The following MALRD1 variants were observed in gnomAD, a reference collection of about 807,000 sequenced individuals.
The protein encoded by MALRD1 is MAM and LDL-receptor class A domain-containing protein 1.
MALRD1 carries 247 observed loss-of-function variants against 242.1 expected under a neutral mutation model. The ratio of observed to expected loss-of-function variants is 1.02; its 90% CI spans 0.92 to 1.13. The LOEUF (loss-of-function observed/expected upper bound fraction) is 1.13, where lower values mean the gene tolerates loss of function less well. MALRD1 is among the 50% of genes most tolerant of loss of function. The pLI, the probability that MALRD1 is intolerant of heterozygous loss-of-function variation, is 0.00. For missense variants in MALRD1, 2,989 were observed against 2,533.1 expected (o/e 1.18, Z -3.86); for synonymous variants, 995 against 866.6 (o/e 1.15, Z -2.60).
At chr10:19,108,387 C>CTTT (rs35948766) in intron 5 of MALRD1, among the ~76,000 whole-genome samples, 237 of 19,770 alleles carry the variant, frequency 0.012, 116 homozygotes, top group East Asian at 0.017. Flanking sequence ...ATTGTTTTTT[C>CTTT]TTTTTTTTTT....
chr10:19,642,380 G>A (rs754698765), intron 36 of MALRD1, among the ~76,000 whole-genome samples: 6 of 151,914 alleles, frequency 3.9e-5, no homozygotes, highest in Non-Finnish European at 8.8e-5. Context: ...AAATACTTAC[G>A]AAGAGCTAAC....
intron 10 of MALRD1, 146 bp from the exon 11 acceptor site, chr10:19,146,052 A>G (rs981467378): frequency 1.3e-5 from 7 of 531,646 alleles, no homozygotes; most frequent in African/African-American, 7.9e-5. Context: ...GACTAGATAA[A>G]GGAAAGCTAT....
chr10:19,427,604 C>A (rs1833950958), intron 28 of MALRD1, among the ~76,000 whole-genome samples: 1 of 152,096 alleles, frequency 6.6e-6, no homozygotes, highest in Non-Finnish European at 1.5e-5. Flanking sequence ...TCTTAAATTT[C>A]CTGCAATGTA....
chr10:19,259,939 G>A (rs767202812), intron 19 of MALRD1, among the ~76,000 whole-genome samples: 5 of 152,058 alleles, frequency 3.3e-5, no homozygotes, highest in Non-Finnish European at 5.9e-5. Context: ...CCATAATGAT[G>A]TTAGTTGCAT....
intron 31 of MALRD1, among the ~76,000 whole-genome samples, chr10:19,517,967 G>C (rs559555290): frequency 6.6e-6 from 1 of 152,274 alleles, no homozygotes; most frequent in East Asian, 1.9e-4. Context: ...TTATAAATCA[G>C]GTAGCACTCA....
chr10:19,658,361 A>C (rs1013461272), intron 36 of MALRD1, among the ~76,000 whole-genome samples: 1 of 152,122 alleles, frequency 6.6e-6, no homozygotes, highest in Non-Finnish European at 1.5e-5. Flanking sequence ...GATCTGAAAA[A>C]AATAATGCAT....
In MALRD1 at chr10:19,498,609, T is replaced by C; in HGVS notation, c.5283T>C (p.Pro1761=). Residue 1761 remains proline, a synonymous_variant, in exon 31 of 40, where the codon CCT becomes CCC. Transcript: ENST00000454679. ...DLDWAIGSRI[P]AKALIPDSDH... is the part of the protein sequence containing the mutation. ...ACTGGGCCATTGGCAGCAGAATTCC[T>C]GCCAAAGCATTAATTCCAGACTCTG... 1 of 1,550,062 alleles carries C rather than the reference T, an allele frequency of 6.5e-7. No homozygotes were observed.
At position 19,489,126 on chromosome 10, in the gene MALRD1, AG is replaced by A. The variant is rs781264664; in HGVS notation, c.5030-2387del. On this transcript the variant is annotated intron_variant, in intron 29 of 39. Coordinates refer to ENST00000454679, the MANE Select transcript of MALRD1 (RefSeq NM_001142308.3). The stretch of plus-strand genomic sequence containing the variant: ...CCAAGAGGAAGGTCAGCTCTGCTGA[AG>A]GGGCCGCCACAGGAAAAGCCTAACA... The A allele has an allele frequency of 3.0e-5, 14 of 465,874 alleles. No homozygotes were observed. In the East Asian group the frequency reaches 9.0e-4, roughly 30 times the overall value. The allele number at this position is 465,874 out of a possible 1,614,324, so 28.9% of individuals were successfully genotyped here.
chr10:19,101,969 T>C (rs1436283791), intron 4 of MALRD1, among the ~76,000 whole-genome samples: 1 of 113,764 alleles, frequency 8.8e-6, no homozygotes, highest in Non-Finnish European at 1.8e-5. Context: ...TAATATATGT[T>C]AATTTATATA....
intron 28 of MALRD1, among the ~76,000 whole-genome samples, chr10:19,424,936 A>G (rs1413394253): frequency 7.3e-6 from 1 of 137,756 alleles, no homozygotes; most frequent in African/African-American, 3.3e-5. Context: ...AGTGAAATGG[A>G]AAAAAAAAAT....
chr10:19,614,482 C>T (rs1839044559), intron 35 of MALRD1, among the ~76,000 whole-genome samples: 2 of 151,822 alleles, frequency 1.3e-5, no homozygotes, highest in Admixed American at 6.6e-5. Context: ...TGAATTATAC[C>T]CCATAAATAT....
At chr10:19,478,090 A>C (rs1836825700) in intron 29 of MALRD1, among the ~76,000 whole-genome samples, 5 of 152,184 alleles carry the variant, frequency 3.3e-5, no homozygotes, top group Admixed American at 2.0e-4. Context: ...TTAAAAGGGA[A>C]ATCTTACCAA....
chr10:19,496,349 A>G (rs1184480246), intron 30 of MALRD1, among the ~76,000 whole-genome samples: 1 of 152,146 alleles, frequency 6.6e-6, no homozygotes, highest in Non-Finnish European at 1.5e-5. Flanking sequence ...CCAAAAAAAC[A>G]AAATTATACC....
chr10:19,249,778 T>C (rs991310843), intron 18 of MALRD1, among the ~76,000 whole-genome samples: 1 of 152,048 alleles, frequency 6.6e-6, no homozygotes, highest in Non-Finnish European at 1.5e-5. Flanking sequence ...CAATTTCTAA[T>C]TCACAATAAC....
intron 10 of MALRD1, among the ~76,000 whole-genome samples, chr10:19,140,965 A>C (rs1833520268): frequency 6.6e-6 from 1 of 152,172 alleles, no homozygotes; most frequent in Non-Finnish European, 1.5e-5. Context: ...AAAGGTAACT[A>C]TATGATGAAA....
At chr10:19,406,474 G>T (rs1458919281) in intron 28 of MALRD1, among the ~76,000 whole-genome samples, 3 of 152,080 alleles carry the variant, frequency 2.0e-5, no homozygotes, top group Non-Finnish European at 2.9e-5. Flanking sequence ...CCTGTGTTCA[G>T]TGATAGCTGG....
chr10:19,224,968 TAGATCTTATGTTTA>T (rs1488729008), intron 18 of MALRD1, among the ~76,000 whole-genome samples: 1 of 152,226 alleles, frequency 6.6e-6, no homozygotes, highest in Admixed American at 6.5e-5. Flanking sequence ...TTTATGGTTT[TAGATCTTATGTTTA>T]AGTCTTTAAT....
intron 26 of MALRD1, among the ~76,000 whole-genome samples, chr10:19,371,862 T>C (rs1845396467): frequency 6.6e-6 from 1 of 152,222 alleles, no homozygotes; most frequent in Non-Finnish European, 1.5e-5. Context: ...CTTTGTTTAC[T>C]ACCTGGGTCA....
At chr10:19,698,461 C>G (rs900550836) in intron 38 of MALRD1, among the ~76,000 whole-genome samples, 3 of 152,154 alleles carry the variant, frequency 2.0e-5, no homozygotes, top group African/African-American at 7.2e-5. Flanking sequence ...TGAACCATCT[C>G]TTTCCTCTTC....
Sources: allele counts gnomAD v4.1 joint callset (sites outside exome capture counted in the v4.1 genomes callset), GRCh38; gene constraint gnomAD v4.1.1; transcripts MANE v1.5; gene names NCBI Gene and HGNC (gene_info 2026-07-23, HGNC 2026-07-21).